The following ARHGEF18 variants were observed in gnomAD, a reference collection of about 807,000 sequenced individuals.
ARHGEF18 encodes rho guanine nucleotide exchange factor 18.
ARHGEF18 carries 93 observed loss-of-function variants against 155.7 expected under a neutral mutation model. The observed-to-expected ratio is 0.60, with a 90% CI of 0.50 to 0.71. The LOEUF is 0.71. Ranked by LOEUF, ARHGEF18 falls within the 30% of genes least tolerant of loss-of-function variation. The pLI, the probability that ARHGEF18 is intolerant of heterozygous loss-of-function variation, is 0.00. For missense variants in ARHGEF18, 1,593 were observed against 1,816.1 expected (o/e 0.88, Z 2.23); for synonymous variants, 742 against 753.1 (o/e 0.99, Z 0.24).
chr19:7,378,079 C>T (rs116664360), intron 5 of ARHGEF18, among the ~76,000 whole-genome samples: 2,412 of 151,962 alleles, frequency 0.016, 42 homozygotes, highest in African/African-American at 0.041. Flanking sequence ...GGTGACAGAG[C>T]GAGACTGTGT....
intron 26 of ARHGEF18, among the ~76,000 whole-genome samples, 155 bp downstream of exon 26, chr19:7,467,839 G>A (rs373968566): frequency 2.0e-5 from 3 of 152,210 alleles, no homozygotes; most frequent in East Asian, 1.9e-4. Flanking sequence ...AGCTCATGCC[G>A]CAGTACAGAC....
At chr19:7,385,823 A>ATCTCTCTCTCTCTCTC (rs1288367668) in intron 10 of ARHGEF18, among the ~76,000 whole-genome samples, 4 of 73,780 alleles carry the variant, frequency 5.4e-5, no homozygotes, top group African/African-American at 2.5e-4. Context: ...GATAGGATCT[A>ATCTCTCTCTCTCTCTC]TCTCTCTCTA....
At chr19:7,367,293 C>G (rs1280142338) in intron 2 of ARHGEF18, among the ~76,000 whole-genome samples, 1 of 152,116 alleles carries the variant, frequency 6.6e-6, no homozygotes, top group Non-Finnish European at 1.5e-5. Flanking sequence ...GGTCTTTTTA[C>G]CCAATGACCA....
rs757014182 is a variant in ARHGEF18, at chr19:7,444,309, G to A, written c.1466G>A (p.Gly489Asp). ...CTGCAGTTCAGCAGCAAGGCCATTG[G>A]CCGCCTCTTCCCATGCGCTGACGAC... ...EELQFSSKAI[G>D]RLFPCADDLL... The change falls in exon 14 of 29, where the codon GGC becomes GAC. Residue 489 changes from glycine to aspartate, a missense_variant. Physicochemically the swap from Gly to Asp is moderately conservative, Grantham distance 94. Transcript: ENST00000668164. The surrounding 1 kb of genome is among the most constrained non-coding windows in gnomAD (Gnocchi z 4.7). The A allele has an allele frequency of 1.9e-6, 3 of 1,613,620 alleles. No homozygotes were observed. The highest frequency in any genetic ancestry group is 2.5e-6 in the Non-Finnish European group (3 of 1,180,014).
At chr19:7,415,763 T>C (rs1972969202) in intron 10 of ARHGEF18, among the ~76,000 whole-genome samples, 1 of 152,030 alleles carries the variant, frequency 6.6e-6, no homozygotes, top group Non-Finnish European at 1.5e-5. Context: ...GTTTCCCTTC[T>C]AAATAAACAA....
intron 1 of ARHGEF18, among the ~76,000 whole-genome samples, chr19:7,350,029 G>T (rs773195660): frequency 1.3e-5 from 2 of 152,286 alleles, no homozygotes; most frequent in Non-Finnish European, 2.9e-5. Context: ...CTCCACCCAG[G>T]CAGCCTTCCT....
At chr19:7,394,891 CCCCGCTGA>C (rs1004429331) in intron 10 of ARHGEF18, 4 of 201,518 alleles carry the variant, frequency 2.0e-5, no homozygotes, top group Non-Finnish European at 2.6e-5. Flanking sequence ...AGCCCCCCAA[CCCCGCTGA>C]CCCGCCCCTC....
At chr19:7,467,757 A>G in intron 26 of ARHGEF18, 73 bp downstream of exon 26, 1 of 1,379,072 alleles carries the variant, frequency 7.3e-7, no homozygotes, top group East Asian at 3.0e-5. Context: ...GAGTGCATGC[A>G]GGTGACAGGG....
At chr19:7,476,617 C>T (rs939122089), downstream of ARHGEF18, among the ~76,000 whole-genome samples, 4 of 152,250 alleles carry the variant, frequency 2.6e-5, no homozygotes, top group Admixed American at 6.5e-5. Context: ...CATGAGGCCA[C>T]GCCCTCGGGT....
chr19:7,416,598 T>C (rs1396188862), intron 10 of ARHGEF18, among the ~76,000 whole-genome samples: 1 of 126,650 alleles, frequency 7.9e-6, no homozygotes, highest in Non-Finnish European at 1.6e-5. Context: ...GATGATATTT[T>C]ATTTGGGTTT....
At chr19:7,474,928 T>C (rs1158670837), downstream of ARHGEF18, among the ~76,000 whole-genome samples, 1 of 151,996 alleles carries the variant, frequency 6.6e-6, no homozygotes, top group African/African-American at 2.4e-5. Context: ...TAAAATGAGA[T>C]GTTCTGCAAA....
chr19:7,462,472 G>A lies in ARHGEF18; in HGVS notation c.2635+138G>A. ...AGGCTTCTATGTGGGGGGGGCCCAG[G>A]AGCAGCACTGACCGCCCCCCGGTGC... On this transcript the variant is annotated intron_variant, in intron 21 of 28. Transcript: ENST00000668164. This position sits in a 1 kb window ranked among gnomAD's most constrained non-coding sequence, Gnocchi z 4.4. 7.4e-6 allele frequency: 8 copies of A among 1,077,392 alleles called. No individual in the cohort carries two copies. The highest frequency in any genetic ancestry group is 1.0e-5 in the Non-Finnish European group (8 of 776,096). 66.7% of individuals were successfully genotyped at this position (1,077,392 alleles called of 1,614,324 possible). A position where few individuals can be genotyped will look rare whatever the true frequency, so the allele number is the denominator to read the frequency against.
At chr19:7,446,672 T>C (rs1271041340) in intron 14 of ARHGEF18, among the ~76,000 whole-genome samples, 2 of 149,102 alleles carry the variant, frequency 1.3e-5, no homozygotes, top group East Asian at 4.0e-4. Flanking sequence ...CCCCGGGAGG[T>C]GGAGGTTGCA....
intron 3 of ARHGEF18, among the ~76,000 whole-genome samples, chr19:7,373,432 T>C (rs373845699): frequency 6.1e-4 from 92 of 151,850 alleles, no homozygotes; most frequent in African/African-American, 2.1e-3. Flanking sequence ...TGACAGATCA[T>C]CAGGCACTAG....
chr19:7,399,588 C>T (rs1019433048), intron 10 of ARHGEF18, among the ~76,000 whole-genome samples: 2 of 151,602 alleles, frequency 1.3e-5, no homozygotes, highest in African/African-American at 4.9e-5. Flanking sequence ...TCACGCCATT[C>T]TCCTGCCTCA....
chr19:7,404,739 T>C (rs1972209365), intron 10 of ARHGEF18, among the ~76,000 whole-genome samples: 1 of 152,130 alleles, frequency 6.6e-6, no homozygotes, highest in South Asian at 2.1e-4. Flanking sequence ...TATTTTAGCA[T>C]GAGGATAGCT....
At position 7,468,998 on chromosome 19, in the gene ARHGEF18, G is replaced by T; in HGVS notation, c.3654G>T (p.Leu1218=). Residue 1218 remains leucine, a synonymous_variant, in exon 27 of 29, where the codon CTG becomes CTT. Transcript: ENST00000668164. ...RLAKSDVPIQ[L]LSATNQFQRQ... is the part of the protein sequence containing the mutation. ...CCAAGAGCGATGTGCCCATCCAGCT[G>T]CTCAGCGCCACCAACCAGTTCCAGA... The T allele has an allele frequency of 6.3e-7, 1 of 1,596,240 alleles. No individual in the cohort carries two copies. The highest frequency in any genetic ancestry group is 1.1e-5 in the South Asian group (1 of 88,460).
intron 10 of ARHGEF18, among the ~76,000 whole-genome samples, chr19:7,391,271 C>T (rs76662618): frequency 5.9e-5 from 9 of 152,068 alleles, no homozygotes; most frequent in Middle Eastern, 3.4e-3. Context: ...TCCTCCCGTC[C>T]GTGGGACAGA....
chr19:7,428,503 C>A (rs551729137), intron 10 of ARHGEF18, among the ~76,000 whole-genome samples: 52 of 152,208 alleles, frequency 3.4e-4, no homozygotes, highest in Admixed American at 2.0e-3. Flanking sequence ...AGTGATCTTC[C>A]CACCTTGGCC....
Sources: gnomAD v4.1 joint callset for allele counts (sites outside exome capture counted in the v4.1 genomes callset) on GRCh38, gnomAD v4.1.1 for gene constraint, Gnocchi (gnomAD v3.1) non-coding constraint, MANE v1.5 for transcripts, NCBI Gene and HGNC (gene_info 2026-07-23, HGNC 2026-07-21) for gene names.